The following SMARCA1 variants were observed in gnomAD, a reference collection of about 807,000 sequenced individuals.
SMARCA1 encodes the protein SNF2 related chromatin remodeling ATPase 1.
In SMARCA1, 17 loss-of-function variants were observed where a neutral mutation model predicts 93.6. The observed-to-expected ratio is 0.18, with a 90% confidence interval of 0.12 to 0.27. The LOEUF is 0.27. Among genes scored for constraint, SMARCA1 ranks in the 10% least tolerant of loss-of-function variants. SMARCA1 has a pLI of 1.00. For missense variants in SMARCA1, 630 were observed against 819.0 expected (o/e 0.77, Z 2.82); for synonymous variants, 271 against 271.4 (o/e 1.00, Z 0.01).
At chrX:129,459,658 T>C (rs1479707514) in intron 23 of SMARCA1, among the ~76,000 whole-genome samples, 1 of 111,694 alleles carries the variant, frequency 9.0e-6, no homozygotes, top group Non-Finnish European at 1.9e-5. Context: ...AAGTCTAACC[T>C]TAGAAAAAGG....
intron 5 of SMARCA1, among the ~76,000 whole-genome samples, chrX:129,515,058 T>A (rs3131273): frequency 0.12 from 13,239 of 108,481 alleles, 1,304 homozygotes; most frequent in African/African-American, 0.33. Context: ...CAAAAAATTT[T>A]AAAAAAAAAG....
chrX:129,518,256 A>G (rs944120968), intron 2 of SMARCA1, 105 bp downstream of exon 2: 31 of 382,759 alleles, frequency 8.1e-5, no homozygotes, highest in Non-Finnish European at 5.9e-5. Context: ...TCTAAAATCA[A>G]TGATTCTCTA....
chrX:129,493,017 A>G lies in SMARCA1; in HGVS notation c.1662+23T>C, dbSNP rs1049600733. 15 of 467,361 alleles carry G rather than the reference A, an allele frequency of 3.2e-5. No individual in the cohort carries two copies. The Admixed American group carries it at 4.6e-4, about 14-fold the overall frequency. The allele number at this position is 467,361 out of a possible 1,213,427, so 38.5% of individuals were successfully genotyped here. Reference sequence around the variant, plus strand: ...GGAAAGCAATTTGGCAATATGCATCAAGAGCCTTAAAAATGTTCATACCCT... The same window carrying G: ...GGAAAGCAATTTGGCAATATGCATCGAGAGCCTTAAAAATGTTCATACCCT... On this transcript the variant is annotated intron_variant, in intron 13 of 24. Coordinates refer to ENST00000371121, the MANE Select transcript of SMARCA1 (RefSeq NM_001282874.2).
At position 129,497,912 on chromosome X, in the gene SMARCA1, C is replaced by T; in HGVS notation, c.1437G>A (p.Glu479=). 2.5e-6 allele frequency: 3 copies of T among 1,209,085 alleles called. No individual in the cohort carries two copies. Among genetic ancestry groups the T allele is most frequent in the Non-Finnish European group, 3.4e-6 (3 of 893,091 alleles). Residue 479 remains glutamate (E), a synonymous_variant, in exon 11 of 25, where the codon GAG becomes GAA. Transcript: ENST00000371121. ...TTTTACCACTGTTGCTGACAATATG[C>T]TCATCAGTGGTATAAGGTGGACCAG... ...AEPGPPYTTD[E]HIVSNSGKMV...
chrX:129,482,465 T>C (rs969232759), intron 17 of SMARCA1, among the ~76,000 whole-genome samples: 3 of 111,555 alleles, frequency 2.7e-5, no homozygotes, highest in Non-Finnish European at 3.8e-5. Context: ...GAAACACAGG[T>C]ATGGCAGAGT....
At chrX:129,477,371 G>A (rs1933433703) in intron 19 of SMARCA1, among the ~76,000 whole-genome samples, 1 of 111,102 alleles carries the variant, frequency 9.0e-6, no homozygotes, top group African/African-American at 3.3e-5. Flanking sequence ...TGGCCAACAT[G>A]GTAAAACCCC....
At chrX:129,474,144 A>G (rs1277951703) in intron 19 of SMARCA1, among the ~76,000 whole-genome samples, 2 of 111,805 alleles carry the variant, frequency 1.8e-5, no homozygotes, top group East Asian at 5.6e-4. Flanking sequence ...ATTGTCAAAC[A>G]TATGTGGGGT....
Position 129,496,765 on chromosome X carries a change from C to T in SMARCA1, c.1611G>A (p.Pro537=), listed in dbSNP as rs775439088. ...YEYCRLDGQT[P]HEEREDKFLE... ...TCTTCCTCACCTCTCTTTCTTCATG[C>T]GGGGTTTGTCCATCCAGTCGACAAT... Residue 537 remains proline, a synonymous_variant, in exon 12 of 25, where the codon CCG becomes CCA. Transcript: ENST00000371121. 10 of 1,201,645 alleles carry T rather than the reference C, an allele frequency of 8.3e-6. No individual in the cohort carries two copies. In the East Asian group the frequency reaches 8.9e-5, roughly 11 times the overall value.
In SMARCA1 at chrX:129,523,224, G is replaced by A; in HGVS notation, c.147C>T (p.Ala49=). 1.7e-6 allele frequency: 2 copies of A among 1,210,928 alleles called. No homozygotes were observed. The highest frequency in any genetic ancestry group is 2.2e-6 in the Non-Finnish European group (2 of 895,063). Residue 49 remains alanine, a synonymous_variant, in exon 1 of 25, where the codon GCC becomes GCT. Coordinates refer to ENST00000371121, the MANE Select transcript of SMARCA1 (RefSeq NM_001282874.2). Reference sequence around the variant, plus strand: ...CCTTCTTCTTCTCGCCCTTCTCCGTGGCCGCGGTGGCTTCGGTGGCCGCGG... The same window carrying A: ...CCTTCTTCTTCTCGCCCTTCTCCGTAGCCGCGGTGGCTTCGGTGGCCGCGG... ...AAAAATEATA[A]TEKGEKKKEK...
In SMARCA1 at chrX:129,448,966, GCACA is replaced by G. The variant is rs34806802; in HGVS notation, c.3031-527_3031-524del. 3.9e-4 allele frequency among the ~76,000 whole-genome samples: 40 copies of G among 102,642 alleles called. No individual in the cohort carries two copies. The East Asian group carries it at 3.9e-3, about 10-fold the overall frequency. The allele number at this position is 102,642 out of a possible 115,157, so 89.1% of individuals were successfully genotyped here. A position where few individuals can be genotyped will look rare whatever the true frequency, so the allele number is the denominator to read the frequency against. On this transcript the variant is annotated intron_variant, in intron 23 of 24. Coordinates refer to ENST00000371121, the MANE Select transcript of SMARCA1 (RefSeq NM_001282874.2). Reference sequence around the variant, plus strand: ...ACACATGACAAAACTGCATTGAACTGCACACACACACACACACACACACACGAGC... The same window carrying G: ...ACACATGACAAAACTGCATTGAACTGCACACACACACACACACACACGAGC...
chrX:129,486,473 C>T (rs191159158), intron 17 of SMARCA1, among the ~76,000 whole-genome samples: 1 of 111,768 alleles, frequency 8.9e-6, no homozygotes, highest in African/African-American at 3.2e-5. Context: ...ATTTCTTCAA[C>T]AGACCACATG....
At chrX:129,471,647 C>A (rs3818382) in intron 19 of SMARCA1, among the ~76,000 whole-genome samples, 23,231 of 108,512 alleles carry the variant, frequency 0.21, 2,488 homozygotes, top group African/African-American at 0.41. Context: ...TGGTAAAAAA[C>A]AAAAAAGAAT....
intron 19 of SMARCA1, among the ~76,000 whole-genome samples, chrX:129,478,352 A>C (rs1246535341): frequency 8.9e-6 from 1 of 112,232 alleles, no homozygotes; most frequent in African/African-American, 3.2e-5. Context: ...TTACACTTTA[A>C]AAAAAGGTCC....
At position 129,499,745 on chromosome X, in the gene SMARCA1, T is replaced by C; in HGVS notation, c.1264A>G (p.Met422Val). 8.9e-7 allele frequency: 1 copy of C among 1,120,228 alleles called. No homozygotes were observed. The highest frequency in any genetic ancestry group is 1.2e-6 in the Non-Finnish European group (1 of 815,947). 92.3% of individuals were successfully genotyped at this position (1,120,228 alleles called of 1,213,427 possible). A position where few individuals can be genotyped will look rare whatever the true frequency, so the allele number is the denominator to read the frequency against. ...GAAATAGCTCACCATTCTCGTTGCA[T>C]CTTACTCAGCCCCAAGTAAATCTTT... ...EIKIYLGLSK[M>V]QREWYTKILM... Residue 422 changes from methionine (M) to valine (V), a missense_variant, in exon 10 of 25, where the codon ATG (methionine) becomes GTG (valine). By Grantham distance (21) the Met-to-Val change is conservative. Coordinates refer to ENST00000371121, the MANE Select transcript of SMARCA1 (RefSeq NM_001282874.2).
chrX:129,511,190 T>C lies in SMARCA1; in HGVS notation c.810+614A>G, dbSNP rs755784009. The stretch of plus-strand genomic sequence containing the variant: ...GATTGTAGCCTACTAGACTGACAAA[T>C]GGCTGATTTAAACACCCCCCTAAAA... On this transcript the variant is annotated intron_variant, in intron 6 of 24. Coordinates refer to ENST00000371121, the MANE Select transcript of SMARCA1 (RefSeq NM_001282874.2). Among the ~76,000 whole-genome samples, 6 of 111,613 alleles carry C rather than the reference T, an allele frequency of 5.4e-5. No individual in the cohort carries two copies. The South Asian group carries it at 2.3e-3, about 42-fold the overall frequency.
intron 17 of SMARCA1, among the ~76,000 whole-genome samples, chrX:129,483,235 A>G (rs539813531): frequency 4.3e-4 from 48 of 112,118 alleles, no homozygotes; most frequent in African/African-American, 1.6e-3. Context: ...AACTCAAATA[A>G]AAAGTTTTCT....
chrX:129,479,478 A>G (rs903202622), intron 19 of SMARCA1, among the ~76,000 whole-genome samples: 4 of 110,367 alleles, frequency 3.6e-5, no homozygotes, highest in Non-Finnish European at 3.8e-5. Flanking sequence ...GTTCCAAAAT[A>G]TAATGAGTTA....
At chrX:129,488,554 G>A (rs1933991697) in intron 16 of SMARCA1, among the ~76,000 whole-genome samples, 1 of 98,624 alleles carries the variant, frequency 1.0e-5, no homozygotes, top group Non-Finnish European at 2.0e-5. Flanking sequence ...ACTACAGTGA[G>A]TTATCATTGC....
intron 1 of SMARCA1, among the ~76,000 whole-genome samples, chrX:129,520,199 C>T (rs1356987748): frequency 9.5e-6 from 1 of 105,801 alleles, no homozygotes; most frequent in Non-Finnish European, 1.9e-5. Flanking sequence ...TTTTTTCATA[C>T]AAGAAAAGAT....
Sources: allele counts gnomAD v4.1 joint callset (sites outside exome capture counted in the v4.1 genomes callset), GRCh38; gene constraint gnomAD v4.1.1; transcripts MANE v1.5; gene names NCBI Gene and HGNC (gene_info 2026-07-23, HGNC 2026-07-21).